CSMD1: variants seen among roughly 807,000 people sequenced by gnomAD.
CSMD1 encodes CUB and sushi domain-containing protein 1.
Under a neutral mutation model 417.5 loss-of-function variants are expected in CSMD1, and 213 were observed. The ratio of observed to expected loss-of-function variants is 0.51; its 90% confidence interval spans 0.46 to 0.57. The LOEUF is 0.57. Among genes scored for constraint, CSMD1 ranks in the 20% least tolerant of loss-of-function variants. CSMD1 has a pLI of 0.00. For missense variants in CSMD1, 6,923 were observed against 4,529.7 expected (o/e 1.53, Z -15.17); for synonymous variants, 2,862 against 1,736.8 (o/e 1.65, Z -16.11).
intron 3 of CSMD1, among the ~76,000 whole-genome samples, chr8:4,243,358 C>T (rs1465689864): frequency 2.0e-5 from 3 of 152,050 alleles, no homozygotes; most frequent in African/African-American, 4.8e-5. Context: ...TATGCAATGC[C>T]GAGAGGGGCC....
chr8:3,687,589 T>C (rs186505836), intron 7 of CSMD1, among the ~76,000 whole-genome samples: 82 of 152,332 alleles, frequency 5.4e-4, no homozygotes, highest in Non-Finnish European at 1.3e-4. Flanking sequence ...GAACTGCTCT[T>C]GTAGGGATCT....
At chr8:3,553,512 T>C (rs986822044) in intron 10 of CSMD1, among the ~76,000 whole-genome samples, 2 of 152,192 alleles carry the variant, frequency 1.3e-5, no homozygotes, top group Non-Finnish European at 2.9e-5. Context: ...AAATCAACCA[T>C]ACTGTAGAAG....
chr8:4,516,274 G>GGA (rs1803117756), intron 2 of CSMD1, among the ~76,000 whole-genome samples: 1 of 152,094 alleles, frequency 6.6e-6, no homozygotes, highest in Admixed American at 6.6e-5. Flanking sequence ...AGGGGCCTCA[G>GGA]GAGAAACCAA....
chr8:3,846,045 G>A (rs7831940), intron 5 of CSMD1, among the ~76,000 whole-genome samples: 2 of 151,602 alleles, frequency 1.3e-5, no homozygotes. Context: ...GCCTAAGACT[G>A]CTTTACAGTT....
chr8:4,130,735 A>C (rs1028407288), intron 3 of CSMD1, among the ~76,000 whole-genome samples: 1 of 151,996 alleles, frequency 6.6e-6, no homozygotes, highest in Non-Finnish European at 1.5e-5. Context: ...TTGTCTATCA[A>C]CTCAAAGGAA....
chr8:3,087,671 T>C (rs1056855322), intron 48 of CSMD1, among the ~76,000 whole-genome samples: 1 of 152,228 alleles, frequency 6.6e-6, no homozygotes. Flanking sequence ...AAAAATCTTA[T>C]AATGTTTTAA....
intron 6 of CSMD1, among the ~76,000 whole-genome samples, chr8:3,730,665 A>T (rs537490246): frequency 3.3e-5 from 5 of 152,152 alleles, no homozygotes; most frequent in Non-Finnish European, 7.3e-5. Flanking sequence ...ATTGACCTTC[A>T]CCAGCATTTA....
At chr8:3,544,150 C>G (rs1352706832) in intron 10 of CSMD1, among the ~76,000 whole-genome samples, 1 of 151,998 alleles carries the variant, frequency 6.6e-6, no homozygotes, top group Non-Finnish European at 1.5e-5. Context: ...TGGGCTGCAT[C>G]CCTAGAAAGT....
intron 3 of CSMD1, among the ~76,000 whole-genome samples, chr8:4,236,780 G>C (rs1802091328): frequency 6.6e-6 from 1 of 152,132 alleles, no homozygotes; most frequent in Admixed American, 6.5e-5. Context: ...TACAAGGTGG[G>C]CAATTACTAA....
rs200245840 is a variant in CSMD1, at chr8:3,524,018, TGC to T, written c.1345-30294_1345-30293del. On this transcript the variant is annotated intron_variant, in intron 10 of 69. Transcript: ENST00000635120. ...AGACACATATGCACACATGTGCACG[TGC>T]ACACACACACACATGCACACCCAGA... Among the ~76,000 whole-genome samples, 877 of 103,312 alleles carry T rather than the reference TGC, an allele frequency of 8.5e-3. 12 individuals carry two copies. Among genetic ancestry groups the T allele is most frequent in the African/African-American group, 0.038 (857 of 22,632 alleles). The allele number at this position is 103,312 out of a possible 152,430, so 67.8% of individuals were successfully genotyped here. A position where few individuals can be genotyped will look rare whatever the true frequency, so the allele number is the denominator to read the frequency against.
At chr8:4,991,956 G>C (rs985191478) in intron 1 of CSMD1, among the ~76,000 whole-genome samples, 1 of 152,150 alleles carries the variant, frequency 6.6e-6, no homozygotes, top group African/African-American at 2.4e-5. Flanking sequence ...CGCAGTGAGA[G>C]CTACGTCCGA....
chr8:4,959,571 C>A (rs963316948), intron 1 of CSMD1, among the ~76,000 whole-genome samples: 1 of 152,238 alleles, frequency 6.6e-6, no homozygotes, highest in East Asian at 1.9e-4. Flanking sequence ...ATAATTATCA[C>A]CCGATACCTA....
chr8:2,942,610 AG>A lies in CSMD1; in HGVS notation c.10403-7del. 1 of 1,553,842 alleles carries A rather than the reference AG, an allele frequency of 6.4e-7. No individual in the cohort carries two copies. The highest frequency in any genetic ancestry group is 8.7e-7 in the Non-Finnish European group (1 of 1,148,058). On this transcript the variant is annotated splice_polypyrimidine_tract_variant and splice_region_variant and intron_variant, in intron 68 of 69. Coordinates refer to ENST00000635120, the MANE Select transcript of CSMD1 (RefSeq NM_033225.6). ...TTGATCTGGGTTTAAAGGATCTGTA[AG>A]ATAAAGGAAATATTAAATTTGTTGT...
At chr8:4,402,702 A>T (rs1240889517) in intron 3 of CSMD1, among the ~76,000 whole-genome samples, 1 of 152,018 alleles carries the variant, frequency 6.6e-6, no homozygotes, top group Admixed American at 6.6e-5. Context: ...AAGCAATGTG[A>T]AAACAGCCGT....
At chr8:3,054,692 C>G (rs192833659) in intron 49 of CSMD1, among the ~76,000 whole-genome samples, 1 of 152,062 alleles carries the variant, frequency 6.6e-6, no homozygotes, top group African/African-American at 2.4e-5. Context: ...TGTCCATGTG[C>G]GCACGTGTGT....
chr8:4,814,259 G>C (rs1156765120), intron 1 of CSMD1, among the ~76,000 whole-genome samples: 1 of 152,146 alleles, frequency 6.6e-6, no homozygotes, highest in East Asian at 1.9e-4. Context: ...TATGTGTGTG[G>C]TGGGGGATGG....
intron 5 of CSMD1, among the ~76,000 whole-genome samples, chr8:3,901,003 C>T (rs375850836): frequency 6.6e-6 from 1 of 152,276 alleles, no homozygotes; most frequent in South Asian, 2.1e-4. Context: ...TGCTAGCTGT[C>T]ATAGTGTTAT....
intron 47 of CSMD1, among the ~76,000 whole-genome samples, chr8:3,092,647 G>A (rs552141716): frequency 2.8e-4 from 42 of 152,124 alleles, no homozygotes; most frequent in African/African-American, 9.4e-4. Context: ...TTTTAAAAAC[G>A]TTGAGACAAC....
At chr8:3,559,984 G>C (rs1585367953) in intron 10 of CSMD1, among the ~76,000 whole-genome samples, 3 of 152,116 alleles carry the variant, frequency 2.0e-5, no homozygotes, top group East Asian at 1.9e-4. Flanking sequence ...GGGTTTTCTG[G>C]ATTTCCTAAC....
Sources: allele counts gnomAD v4.1 joint callset (sites outside exome capture counted in the v4.1 genomes callset), GRCh38; gene constraint gnomAD v4.1.1; transcripts MANE v1.5; gene names NCBI Gene and HGNC (gene_info 2026-07-23, HGNC 2026-07-21).